Variants in PAM observed in about 807,000 individuals in gnomAD.
PAM encodes the protein peptidyl-glycine alpha-amidating monooxygenase.
Under a neutral mutation model 122.1 loss-of-function variants are expected in PAM, and 72 were observed. That is an observed-to-expected ratio of 0.59 (90% CI 0.49 to 0.72). PAM has a LOEUF of 0.72. Among genes scored for constraint, PAM ranks in the 30% least tolerant of loss-of-function variants. PAM has a pLI of 0.00. For missense variants in PAM, 1,106 were observed against 1,183.7 expected, an observed-to-expected ratio of 0.93 and a Z score of 0.96; for synonymous variants, 389 against 404.4, an observed-to-expected ratio of 0.96 and a Z score of 0.46.
chr5:102,794,962 C>T (rs1486189487), intron 1 of PAM, among the ~76,000 whole-genome samples: 7 of 151,684 alleles, frequency 4.6e-5, no homozygotes, highest in Non-Finnish European at 8.8e-5. Context: ...GGCTGAGGCT[C>T]GCAGATCACT....
rs10578523 is a variant in PAM at position 102,979,030 on chromosome 5, T to TCA, written c.1483+4624_1483+4625dup. 6.5e-3 allele frequency among the ~76,000 whole-genome samples: 964 copies of TCA among 147,916 alleles called. 8 individuals carry two copies. The highest frequency in any genetic ancestry group is 0.012 in the Non-Finnish European group (776 of 66,776). The stretch of plus-strand genomic sequence containing the variant: ...TTCTTAATCACTCTGTTATTCTGCA[T>TCA]CACACACACACACACACACACACAC... On this transcript the variant is annotated intron_variant, in intron 15 of 25. Coordinates refer to ENST00000438793, the MANE Select transcript of PAM (RefSeq NM_001177306.2).
chr5:102,918,491 T>C (rs908144709), intron 5 of PAM, among the ~76,000 whole-genome samples: 2 of 152,158 alleles, frequency 1.3e-5, no homozygotes, highest in Admixed American at 1.3e-4. Flanking sequence ...AGTAAATTTT[T>C]ATATTTAAAT....
chr5:102,818,340 G>C (rs1226270577), intron 1 of PAM, among the ~76,000 whole-genome samples: 1 of 151,236 alleles, frequency 6.6e-6, no homozygotes, highest in Non-Finnish European at 1.5e-5. Flanking sequence ...GTTACATAGA[G>C]AACACACAGT....
At chr5:102,989,345 A>C (rs1773258078) in intron 15 of PAM, among the ~76,000 whole-genome samples, 1 of 151,940 alleles carries the variant, frequency 6.6e-6, no homozygotes, top group Non-Finnish European at 1.5e-5. Context: ...CTCTCGAATA[A>C]ATTTTTTTTC....
At chr5:102,847,263 A>C (rs1446567517) in intron 1 of PAM, among the ~76,000 whole-genome samples, 1 of 152,098 alleles carries the variant, frequency 6.6e-6, no homozygotes, top group Admixed American at 6.6e-5. Context: ...ACATGGTGAA[A>C]GCCTGTCTCT....
chr5:102,860,352 G>T (rs966553286), intron 1 of PAM, among the ~76,000 whole-genome samples: 2 of 152,186 alleles, frequency 1.3e-5, no homozygotes, highest in African/African-American at 2.4e-5. Context: ...GGAAGGTCTT[G>T]TGCAGGGCTT....
At chr5:102,998,994 C>A (rs1776558658) in intron 16 of PAM, among the ~76,000 whole-genome samples, 1 of 152,162 alleles carries the variant, frequency 6.6e-6, no homozygotes, top group South Asian at 2.1e-4. Context: ...AGGAAACTTA[C>A]AATCAGGTAG....
intron 1 of PAM, among the ~76,000 whole-genome samples, chr5:102,831,039 C>G (rs1483803035): frequency 6.7e-6 from 1 of 148,214 alleles, no homozygotes. Context: ...TCTATTTCAG[C>G]TTTGTTCAGT....
At chr5:102,763,248 T>C (rs1312266698) in intron 1 of PAM, among the ~76,000 whole-genome samples, 1 of 152,204 alleles carries the variant, frequency 6.6e-6, no homozygotes, top group Non-Finnish European at 1.5e-5. Flanking sequence ...TTATAGATTT[T>C]CACTAATATC....
chr5:102,778,767 G>T (rs1757833785), intron 1 of PAM, among the ~76,000 whole-genome samples: 1 of 152,146 alleles, frequency 6.6e-6, no homozygotes, highest in Non-Finnish European at 1.5e-5. Flanking sequence ...TTAGTTTTCT[G>T]GTGGGTTGGT....
chr5:103,026,859 T>G (rs1292598538), intron 24 of PAM, among the ~76,000 whole-genome samples: 1 of 152,152 alleles, frequency 6.6e-6, no homozygotes, highest in Non-Finnish European at 1.5e-5. Context: ...GCAGGAATTG[T>G]GGTAACCAAC....
At chr5:102,927,781 A>T (rs1209473642) in intron 7 of PAM, among the ~76,000 whole-genome samples, 1 of 149,230 alleles carries the variant, frequency 6.7e-6, no homozygotes, top group Non-Finnish European at 1.5e-5. Context: ...TATATAAATT[A>T]ATATATATAT....
At chr5:102,948,183 T>C (rs1183632425) in intron 8 of PAM, among the ~76,000 whole-genome samples, 195 bp from the exon 9 acceptor site, 3 of 152,190 alleles carry the variant, frequency 2.0e-5, no homozygotes, top group African/African-American at 7.2e-5. Flanking sequence ...AAGTTAGCTA[T>C]CACAGGAACC....
At chr5:102,973,611 C>T (rs925489360) in intron 14 of PAM, among the ~76,000 whole-genome samples, 2 of 152,028 alleles carry the variant, frequency 1.3e-5, no homozygotes, top group African/African-American at 4.8e-5. Context: ...TTTAGGTTTC[C>T]CAGTTGTCAA....
intron 1 of PAM, among the ~76,000 whole-genome samples, chr5:102,759,054 T>A (rs1751540055): frequency 2.0e-5 from 3 of 152,250 alleles, no homozygotes; most frequent in African/African-American, 7.2e-5. Context: ...AGTCACTTTC[T>A]TATGACTGAA....
chr5:102,777,707 T>A (rs1323610487), intron 1 of PAM, among the ~76,000 whole-genome samples: 1 of 152,146 alleles, frequency 6.6e-6, no homozygotes, highest in Non-Finnish European at 1.5e-5. Context: ...GAACATGGAA[T>A]GTCACCATTC....
intron 10 of PAM, 28 bp from the exon 11 acceptor site, chr5:102,949,874 A>G (rs759263689): frequency 5.1e-6 from 6 of 1,171,352 alleles, no homozygotes; most frequent in Admixed American, 3.5e-5. Context: ...TTATTATATT[A>G]AATGATTAAA....
intron 7 of PAM, among the ~76,000 whole-genome samples, chr5:102,932,351 C>T (rs1187261664): frequency 1.3e-5 from 2 of 151,736 alleles, no homozygotes; most frequent in East Asian, 1.9e-4. Flanking sequence ...AGCCAGCTGT[C>T]GTGGTGTGTG....
At chr5:103,008,231 CCATATTTTCTTTAAATAATGAAAATATAT>C (rs1210654896) in intron 20 of PAM, among the ~76,000 whole-genome samples, 111 of 151,820 alleles carry the variant, frequency 7.3e-4, no homozygotes, top group African/African-American at 2.7e-3. Flanking sequence ...AAACAACTTA[CCATATTTTCTTTAAATAATGAAAATATAT>C]TTAATTTCTG....
Sources: gnomAD v4.1 joint callset for allele counts (sites outside exome capture counted in the v4.1 genomes callset) on GRCh38, gnomAD v4.1.1 for gene constraint, MANE v1.5 for transcripts, NCBI Gene and HGNC (gene_info 2026-07-23, HGNC 2026-07-21) for gene names.